The following PCDH11X variants were observed in gnomAD, a reference collection of about 807,000 sequenced individuals.
The protein encoded by PCDH11X is protocadherin-11 X-linked.
PCDH11X carries 18 observed loss-of-function variants against 53.3 expected under a neutral mutation model. The observed-to-expected ratio is 0.34, with a 90% CI of 0.23 to 0.50. The LOEUF is 0.50. PCDH11X is among the 20% of genes least tolerant of loss of function. PCDH11X has a pLI of 0.98. For synonymous variants in PCDH11X, 279 were observed against 393.3 expected (o/e 0.71, Z 3.44); for missense variants, 570 against 1,032.4 (o/e 0.55, Z 6.14).
At chrX:92,445,938 G>T (rs1365025093) in intron 9 of PCDH11X, among the ~76,000 whole-genome samples, 1 of 110,630 alleles carries the variant, frequency 9.0e-6, no homozygotes, top group Non-Finnish European at 1.9e-5. Flanking sequence ...TTATGCTTTT[G>T]TTCCTACTCT....
At chrX:92,171,383 C>CT (rs2065823042) in intron 6 of PCDH11X, among the ~76,000 whole-genome samples, 2 of 109,879 alleles carry the variant, frequency 1.8e-5, no homozygotes, top group African/African-American at 6.6e-5. Flanking sequence ...TTTTTCAAGA[C>CT]TTTTTTGGCT....
chrX:91,866,644 T>C (rs1383565735), intron 5 of PCDH11X, among the ~76,000 whole-genome samples: 2 of 110,467 alleles, frequency 1.8e-5, no homozygotes, highest in African/African-American at 6.6e-5. Flanking sequence ...CAACTTTTTT[T>C]TTTTCTTTTA....
chrX:92,147,997 CTTTCTTTCTTTTTCTTT>C (rs1172795510), intron 6 of PCDH11X, among the ~76,000 whole-genome samples: 9 of 78,089 alleles, frequency 1.2e-4, no homozygotes, highest in African/African-American at 5.7e-4. Flanking sequence ...TTCTTTCTTT[CTTTCTTTCTTTTTCTTT>C]CCTTCCTTCC....
At chrX:92,106,980 T>A (rs1219479133) in intron 6 of PCDH11X, among the ~76,000 whole-genome samples, 3 of 111,796 alleles carry the variant, frequency 2.7e-5, no homozygotes, top group Non-Finnish European at 3.8e-5. Context: ...CAGAAGCCTA[T>A]TACTTGGAGG....
chrX:92,393,707 A>C (rs1019676273), intron 9 of PCDH11X, among the ~76,000 whole-genome samples: 14 of 110,953 alleles, frequency 1.3e-4, no homozygotes, highest in African/African-American at 4.2e-4. Flanking sequence ...TTAGTCCCTG[A>C]TGTGTTATGT....
Position 92,494,118 on chromosome X carries a change from A to G in PCDH11X, c.3367+25796A>G, listed in dbSNP as rs1204901545. Among the ~76,000 whole-genome samples, 10 of 109,719 alleles carry G rather than the reference A, an allele frequency of 9.1e-5. No homozygotes were observed. The East Asian group carries it at 1.7e-3, about 19-fold the overall frequency. On this transcript the variant is annotated intron_variant, in intron 10 of 10. Transcript: ENST00000682573. ...CATTTCGCTATTTTGCATATTATCT[A>G]TTCTAAAGGTAGTTAAGAGATCCTC... is the stretch of plus-strand genomic sequence containing the variant.
chrX:92,117,304 C>G (rs941003614), intron 6 of PCDH11X, among the ~76,000 whole-genome samples: 1 of 109,435 alleles, frequency 9.1e-6, no homozygotes, highest in Non-Finnish European at 1.9e-5. Flanking sequence ...AGCATGGTGG[C>G]GGACACCTAT....
chrX:92,577,459 G>A (rs766208067), intron 10 of PCDH11X, among the ~76,000 whole-genome samples: 11 of 109,898 alleles, frequency 1.0e-4, no homozygotes, highest in African/African-American at 2.6e-4. Flanking sequence ...TCTAGCTAGT[G>A]GTTTCTCTAT....
At chrX:91,892,401 C>G (rs984501881) in intron 6 of PCDH11X, among the ~76,000 whole-genome samples, 2 of 108,751 alleles carry the variant, frequency 1.8e-5, no homozygotes, top group African/African-American at 6.7e-5. Context: ...CTTCTCTTTC[C>G]TCATTGCACA....
intron 8 of PCDH11X, among the ~76,000 whole-genome samples, chrX:92,303,229 T>C (rs2068758142): frequency 9.0e-6 from 1 of 111,284 alleles, no homozygotes; most frequent in Non-Finnish European, 1.9e-5. Context: ...AGGAAGAAGA[T>C]AACAGCTCCA....
chrX:92,215,233 G>C (rs1282218989), intron 7 of PCDH11X, among the ~76,000 whole-genome samples: 2 of 110,296 alleles, frequency 1.8e-5, no homozygotes, highest in African/African-American at 6.6e-5. Flanking sequence ...CGTGCGCGAG[G>C]TGAAGCAGGG....
chrX:92,613,488 G>C (rs1007214083), intron 10 of PCDH11X, among the ~76,000 whole-genome samples: 2 of 107,622 alleles, frequency 1.9e-5, no homozygotes, highest in African/African-American at 3.4e-5. Flanking sequence ...GAGTTCGTTT[G>C]TATGTGATCT....
At chrX:91,998,781 A>G (rs2062460721) in intron 6 of PCDH11X, among the ~76,000 whole-genome samples, 1 of 111,437 alleles carries the variant, frequency 9.0e-6, no homozygotes, top group Non-Finnish European at 1.9e-5. Context: ...GGTGGGGCTC[A>G]TGCGTTATAT....
chrX:92,618,856 C>T lies in PCDH11X; in HGVS notation c.3960C>T (p.Val1320=). 8.3e-7 allele frequency: 1 copy of T among 1,211,965 alleles called. No individual in the cohort carries two copies. The highest frequency in any genetic ancestry group is 1.1e-6 in the Non-Finnish European group (1 of 895,477). ...ATCCCAGTGATGATTCAATTAAAGT[C>T]ATTCCTTTGACAACCTTCACTCCAC... ...RLHPSDDSIK[V]IPLTTFTPRQ... The change falls in exon 11 of 11, where the codon GTC becomes GTT. Residue 1320 remains valine (V), a synonymous_variant. Coordinates refer to ENST00000682573, the MANE Select transcript of PCDH11X (RefSeq NM_032968.5).
At chrX:92,096,403 A>C (rs754032233) in intron 6 of PCDH11X, among the ~76,000 whole-genome samples, 24 of 108,315 alleles carry the variant, frequency 2.2e-4, no homozygotes, top group Non-Finnish European at 4.2e-4. Context: ...ACAAGTTTAT[A>C]CATAGTTTAG....
chrX:92,215,787 T>A lies in PCDH11X; in HGVS notation c.3114+14332T>A, dbSNP rs1447532354. Among the ~76,000 whole-genome samples, 4 of 106,785 alleles carry A rather than the reference T, an allele frequency of 3.7e-5. No individual in the cohort carries two copies. The East Asian group carries it at 1.2e-3, about 32-fold the overall frequency. 92.7% of individuals were successfully genotyped at this position (106,785 alleles called of 115,157 possible). ...CCTGACCCCTGACTCCCGAGCAGCC[T>A]AACTGGGAGGCACCCCCCAGTAGGG... On this transcript the variant is annotated intron_variant, in intron 7 of 10. Coordinates refer to ENST00000682573, the MANE Select transcript of PCDH11X (RefSeq NM_032968.5).
At chrX:92,464,003 A>G (rs935235523) in intron 9 of PCDH11X, among the ~76,000 whole-genome samples, 73 of 111,710 alleles carry the variant, frequency 6.5e-4, no homozygotes, top group African/African-American at 2.3e-3. Context: ...TCGATTCCTA[A>G]GGTTTTAGTT....
chrX:92,214,984 G>T (rs1403677746), intron 7 of PCDH11X, among the ~76,000 whole-genome samples: 4 of 111,739 alleles, frequency 3.6e-5, no homozygotes, highest in African/African-American at 1.3e-4. Context: ...GGAATTTGAG[G>T]CTGCAGTAAG....
intron 6 of PCDH11X, among the ~76,000 whole-genome samples, chrX:91,962,290 G>A (rs540161594): frequency 1.8e-5 from 2 of 112,270 alleles, no homozygotes; most frequent in South Asian, 3.7e-4. Context: ...GAGTCAACAG[G>A]TATTGGGTAA....
Sources: gnomAD v4.1 joint callset for allele counts (sites outside exome capture counted in the v4.1 genomes callset) on GRCh38, gnomAD v4.1.1 for gene constraint, MANE v1.5 for transcripts, NCBI Gene and HGNC (gene_info 2026-07-23, HGNC 2026-07-21) for gene names.